Variants in DLGAP1 observed in about 807,000 individuals in gnomAD.
DLGAP1 encodes the protein DLG associated protein 1, also known as disks large-associated protein 1.
Under a neutral mutation model 90.8 loss-of-function variants are expected in DLGAP1, and 11 were observed. That is an observed-to-expected ratio of 0.12 (90% confidence interval 0.08 to 0.20). The LOEUF is 0.20. Among genes scored for constraint, DLGAP1 ranks in the 10% least tolerant of loss-of-function variants. The probability of loss-of-function intolerance (pLI) is 1.00; values close to 1 mark genes in which losing one functional copy is unlikely to be tolerated. For synonymous variants in DLGAP1, 558 were observed against 540.7 expected, an observed-to-expected ratio of 1.03 and a Z score of -0.44; for missense variants, 1,050 against 1,333.8, an observed-to-expected ratio of 0.79 and a Z score of 3.31.
intron 1 of DLGAP1, among the ~76,000 whole-genome samples, chr18:4,241,567 T>C (rs879565393): frequency 6.6e-6 from 1 of 152,202 alleles, no homozygotes; most frequent in East Asian, 1.9e-4. Flanking sequence ...GAGCACTTAT[T>C]ACAAAGAGAT....
intron 7 of DLGAP1, among the ~76,000 whole-genome samples, chr18:3,604,549 T>G (rs1453957791): frequency 3.3e-5 from 5 of 152,148 alleles, no homozygotes; most frequent in African/African-American, 1.2e-4. Context: ...GTTCCCCATC[T>G]CAGTACACGA....
intron 4 of DLGAP1, among the ~76,000 whole-genome samples, chr18:3,835,360 C>T (rs917516268): frequency 6.6e-6 from 1 of 152,028 alleles, no homozygotes; most frequent in Non-Finnish European, 1.5e-5. Context: ...AGAAAATATC[C>T]TCCTTTCTGG....
At chr18:4,116,467 C>A (rs570528475) in intron 2 of DLGAP1, among the ~76,000 whole-genome samples, 8 of 152,010 alleles carry the variant, frequency 5.3e-5, no homozygotes, top group Non-Finnish European at 1.0e-4. Flanking sequence ...CTCCTTCTGG[C>A]ACTTCTATTA....
At chr18:3,856,303 C>T (rs2069639047) in intron 4 of DLGAP1, among the ~76,000 whole-genome samples, 2 of 152,178 alleles carry the variant, frequency 1.3e-5, no homozygotes, top group South Asian at 2.1e-4. Flanking sequence ...GGAACAGAAA[C>T]TACAATTATA....
chr18:3,588,434 G>A (rs1568251531), intron 7 of DLGAP1, among the ~76,000 whole-genome samples: 1 of 151,382 alleles, frequency 6.6e-6, no homozygotes, highest in Non-Finnish European at 1.5e-5. Flanking sequence ...ACTCCAGCCT[G>A]GGCAATAAGA....
chr18:3,612,316 A>C (rs565606157), intron 7 of DLGAP1, among the ~76,000 whole-genome samples: 2 of 152,182 alleles, frequency 1.3e-5, no homozygotes, highest in Admixed American at 6.5e-5. Context: ...AGAATGAAAA[A>C]CTTCCTTATA....
rs181677315 is a variant in DLGAP1 at position 3,618,235 on chromosome 18, A to G, written c.1592-35987T>C. 2.2e-3 allele frequency among the ~76,000 whole-genome samples: 331 copies of G among 152,350 alleles called. 3 individuals carry two copies. Among genetic ancestry groups the G allele is most frequent in the African/African-American group, 7.6e-3 (318 of 41,582 alleles). ...ACAGCAATTACTCTAACAAGTTACA[A>G]TTCGCAGAGTCCGGCCTTTAAGGGG... On this transcript the variant is annotated intron_variant, in intron 7 of 12. Transcript: ENST00000315677.
chr18:3,948,226 T>C (rs1276848491), intron 3 of DLGAP1, among the ~76,000 whole-genome samples: 1 of 152,146 alleles, frequency 6.6e-6, no homozygotes, highest in Non-Finnish European at 1.5e-5. Context: ...GGCAACCTCA[T>C]CAATTTGCCA....
chr18:3,906,606 G>C (rs1568292971), intron 3 of DLGAP1, among the ~76,000 whole-genome samples: 2 of 152,164 alleles, frequency 1.3e-5, no homozygotes, highest in South Asian at 4.1e-4. Context: ...TGAAATATGA[G>C]TGCAGAAAAC....
At chr18:4,203,558 T>C (rs2077653777) in intron 1 of DLGAP1, among the ~76,000 whole-genome samples, 1 of 152,150 alleles carries the variant, frequency 6.6e-6, no homozygotes, top group South Asian at 2.1e-4. Flanking sequence ...TAAGGTATCT[T>C]AAAACGTAGG....
rs145321047 is a variant in DLGAP1 at position 3,680,623 on chromosome 18, C to A, written c.1591+48512G>T. On this transcript the variant is annotated intron_variant, in intron 7 of 12. Transcript: ENST00000315677. The stretch of plus-strand genomic sequence containing the variant: ...TAACATGGTGAAACCCCTGTCTCTA[C>A]TAAAAATACAAAAAAATTAGCTGGG... 2.0e-4 allele frequency among the ~76,000 whole-genome samples: 30 copies of A among 152,070 alleles called. 1 individual carries two copies. The highest frequency in any genetic ancestry group is 4.0e-4 in the Non-Finnish European group (27 of 67,966).
intron 2 of DLGAP1, among the ~76,000 whole-genome samples, chr18:4,011,059 C>G (rs2074409348): frequency 6.6e-6 from 1 of 151,576 alleles, no homozygotes; most frequent in Non-Finnish European, 1.5e-5. Context: ...CCCTGTAATC[C>G]CTGCTACTCG....
chr18:3,872,884 C>CT (rs1368943904), intron 4 of DLGAP1, among the ~76,000 whole-genome samples: 2 of 152,154 alleles, frequency 1.3e-5, no homozygotes, highest in Admixed American at 1.3e-4. Flanking sequence ...TAGTTTTTCT[C>CT]TTTCACTCTT....
At chr18:4,067,203 A>C (rs78410001) in intron 2 of DLGAP1, among the ~76,000 whole-genome samples, 13,253 of 152,104 alleles carry the variant, frequency 0.087, 694 homozygotes, top group East Asian at 0.17. Context: ...GAGGAAGAGG[A>C]TCAAGAAAAA....
At chr18:4,130,520 C>T (rs2076297493) in intron 2 of DLGAP1, among the ~76,000 whole-genome samples, 1 of 152,132 alleles carries the variant, frequency 6.6e-6, no homozygotes, top group Non-Finnish European at 1.5e-5. Context: ...TATTGAATCA[C>T]TTGTCATTTA....
intron 1 of DLGAP1, among the ~76,000 whole-genome samples, chr18:4,373,632 A>G (rs1316145867): frequency 6.6e-6 from 1 of 152,086 alleles, no homozygotes; most frequent in Non-Finnish European, 1.5e-5. Context: ...TCTCATCTAC[A>G]TCTCTTCTTT....
chr18:3,714,856 G>A (rs940650294), intron 7 of DLGAP1, among the ~76,000 whole-genome samples: 1 of 151,946 alleles, frequency 6.6e-6, no homozygotes, highest in Non-Finnish European at 1.5e-5. Context: ...GGCTGGTCTC[G>A]AACTCCTGAC....
At chr18:3,985,930 T>C (rs1205436043) in intron 3 of DLGAP1, among the ~76,000 whole-genome samples, 1 of 152,188 alleles carries the variant, frequency 6.6e-6, no homozygotes, top group Non-Finnish European at 1.5e-5. Context: ...ACAAAAGAGA[T>C]ACAGATCTGC....
intron 3 of DLGAP1, among the ~76,000 whole-genome samples, chr18:3,969,862 A>G (rs2073408153): frequency 6.6e-6 from 1 of 152,152 alleles, no homozygotes; most frequent in African/African-American, 2.4e-5. Context: ...GCCTTTCTTG[A>G]ATAGAATATG....
Sources: gnomAD v4.1 joint callset for allele counts (sites outside exome capture counted in the v4.1 genomes callset) on GRCh38, gnomAD v4.1.1 for gene constraint, MANE v1.5 for transcripts, NCBI Gene and HGNC (gene_info 2026-07-23, HGNC 2026-07-21) for gene names.